The following ALMS1 variants were observed in gnomAD, a reference collection of about 807,000 sequenced individuals.
ALMS1 encodes centrosome-associated protein ALMS1.
A neutral mutation model predicts 352.2 loss-of-function variants in ALMS1; 271 were observed. The observed-to-expected ratio is 0.77, with a 90% CI of 0.70 to 0.85. ALMS1 has a LOEUF of 0.85. Ranked by LOEUF, ALMS1 falls within the 40% of genes least tolerant of loss-of-function variation. ALMS1 has a pLI of 0.00. For missense variants in ALMS1, 5,445 were observed against 4,870.7 expected (o/e 1.12, Z -3.51); for synonymous variants, 1,865 against 1,761.2 (o/e 1.06, Z -1.48).
chr2:73,546,715 G>A (rs1383396156), intron 12 of ALMS1, among the ~76,000 whole-genome samples: 1 of 152,208 alleles, frequency 6.6e-6, no homozygotes, highest in Non-Finnish European at 1.5e-5. Context: ...AGAGAGTGGA[G>A]TGTGAGAATG....
upstream of ALMS1, chr2:73,385,828 C>CCCTCCT: frequency 1.5e-6 from 1 of 664,968 alleles, no homozygotes; most frequent in Non-Finnish European, 2.7e-6. Context: ...CTCCCTCCCC[C>CCCTCCT]CCTCCTCCTC....
intron 10 of ALMS1, among the ~76,000 whole-genome samples, chr2:73,497,999 C>T (rs894845607): frequency 3.9e-5 from 6 of 152,030 alleles, no homozygotes; most frequent in Non-Finnish European, 7.4e-5. Context: ...TGCAATAAAG[C>T]CGATCACATG....
chr2:73,509,086 C>A (rs1339160555), intron 10 of ALMS1, among the ~76,000 whole-genome samples: 5 of 151,348 alleles, frequency 3.3e-5, no homozygotes, highest in Non-Finnish European at 5.9e-5. Flanking sequence ...TTATTTTTTG[C>A]TTTCCATTTG....
rs537537228 is a variant in ALMS1, at chr2:73,385,988, A to G, written c.120A>G (p.Val40=). ...CGGCGGCGGCGAACGTGGACGACGT[A>G]GTGGTCGTGGAGGAGGTGGAGGAAG... ...AAAAAANVDD[V]VVVEEVEEEA... Residue 40 remains valine, a synonymous_variant, in exon 1 of 23, where the codon GTA becomes GTG. Transcript: ENST00000613296. 4 of 1,548,150 alleles carry G rather than the reference A, an allele frequency of 2.6e-6. No individual in the cohort carries two copies. In the East Asian group the frequency reaches 9.8e-5, roughly 38 times the overall value.
At chr2:73,533,381 G>A (rs1038304849) in intron 11 of ALMS1, among the ~76,000 whole-genome samples, 1 of 152,236 alleles carries the variant, frequency 6.6e-6, no homozygotes, top group Non-Finnish European at 1.5e-5. Context: ...GTCTAGAGCA[G>A]ATAGCTGAGT....
chr2:73,511,467 C>T (rs1673450474), intron 10 of ALMS1, among the ~76,000 whole-genome samples: 1 of 152,116 alleles, frequency 6.6e-6, no homozygotes, highest in Admixed American at 6.5e-5. Flanking sequence ...ACACCCCCAC[C>T]CTGCTGCTGC....
At chr2:73,396,082 T>G (rs964421793) in intron 1 of ALMS1, among the ~76,000 whole-genome samples, 2 of 152,182 alleles carry the variant, frequency 1.3e-5, no homozygotes, top group Non-Finnish European at 1.5e-5. Context: ...CATCCTGTCT[T>G]TTACCCCCGA....
intron 1 of ALMS1, among the ~76,000 whole-genome samples, chr2:73,398,672 C>G (rs937259944): frequency 6.6e-6 from 1 of 151,956 alleles, no homozygotes; most frequent in African/African-American, 2.4e-5. Context: ...AGATTTATAC[C>G]TAAATATTTT....
intron 1 of ALMS1, among the ~76,000 whole-genome samples, chr2:73,398,649 C>A (rs1670813510): frequency 6.6e-6 from 1 of 152,126 alleles, no homozygotes; most frequent in Non-Finnish European, 1.5e-5. Context: ...ATAGATCTTA[C>A]ATGTATTAAG....
chr2:73,547,187 G>C lies in ALMS1; in HGVS notation c.9908-3080G>C, dbSNP rs186160653. ...ATTATGTTTAAAGTAGGCTGGGCTA[G>C]GTTATGATGCTTGGTAGGTTAGGGG... is the stretch of plus-strand genomic sequence containing the variant. On this transcript the variant is annotated intron_variant, in intron 12 of 22. Coordinates refer to ENST00000613296, the MANE Select transcript of ALMS1 (RefSeq NM_001378454.1). Among the ~76,000 whole-genome samples, 197 of 152,284 alleles carry C rather than the reference G, an allele frequency of 1.3e-3. 1 individual carries two copies. The highest frequency in any genetic ancestry group is 4.4e-3 in the African/African-American group (184 of 41,556).
intron 1 of ALMS1, among the ~76,000 whole-genome samples, chr2:73,403,022 A>G (rs2103661841): frequency 6.6e-6 from 1 of 152,208 alleles, no homozygotes; most frequent in African/African-American, 2.4e-5. Context: ...TTAGATGTGA[A>G]ACTCTTTAGC....
At chr2:73,436,183 T>C (rs1671601012) in intron 7 of ALMS1, among the ~76,000 whole-genome samples, 1 of 152,232 alleles carries the variant, frequency 6.6e-6, no homozygotes. Context: ...TCTTTTTCTT[T>C]TCAGCACTTT....
chr2:73,416,848 A>C (rs1671190413), intron 2 of ALMS1, among the ~76,000 whole-genome samples: 1 of 152,214 alleles, frequency 6.6e-6, no homozygotes, highest in Non-Finnish European at 1.5e-5. Flanking sequence ...TTGTAATCCC[A>C]GCACTTTGGG....
At position 73,491,265 on chromosome 2, in the gene ALMS1, G is replaced by A. The variant is rs747617053; in HGVS notation, c.9306G>A (p.Leu3102=). Residue 3102 remains leucine (L), a synonymous_variant, in exon 10 of 23, where the codon TTG becomes TTA. Transcript: ENST00000613296. ...CACTGGAACCAACCTCCAAATTATTGACCAGTAAACCTGTAGCACAGGATC... is the reference window on the plus strand; with the variant it reads ...CACTGGAACCAACCTCCAAATTATTAACCAGTAAACCTGTAGCACAGGATC... ...SRSLEPTSKL[L]TSKPVAQDQE... The A allele has an allele frequency of 1.2e-6, 2 of 1,614,026 alleles. No homozygotes were observed. The highest frequency in any genetic ancestry group is 2.2e-5 in the East Asian group (1 of 44,874).
At chr2:73,466,085 A>G (rs962987451) in intron 9 of ALMS1, among the ~76,000 whole-genome samples, 1 of 152,192 alleles carries the variant, frequency 6.6e-6, no homozygotes, top group African/African-American at 2.4e-5. Flanking sequence ...TCGATTCCTC[A>G]GGGATCTAGA....
intron 9 of ALMS1, among the ~76,000 whole-genome samples, chr2:73,475,573 A>G (rs1672565551): frequency 2.0e-5 from 3 of 152,172 alleles, no homozygotes; most frequent in African/African-American, 4.8e-5. Context: ...TCACTGTACA[A>G]ATTTGTTGAG....
In ALMS1 at chr2:73,449,413, T is replaced by C; in HGVS notation, c.2886T>C (p.Ser962=). 1 of 1,614,050 alleles carries C rather than the reference T, an allele frequency of 6.2e-7. No homozygotes were observed. The highest frequency in any genetic ancestry group is 2.2e-5 in the East Asian group (1 of 44,870). Residue 962 remains serine, a synonymous_variant, in exon 8 of 23, where the codon AGT becomes AGC. Transcript: ENST00000613296. ...SNSHSHSEKS[S]VFYQQELPDS... is the part of the protein sequence containing the mutation. Reference sequence around the variant, plus strand: ...CTCACTCACATAGCGAGAAATCTAGTGTTTTCTACCAGCAAGAGTTGCCAG... The same window carrying C: ...CTCACTCACATAGCGAGAAATCTAGCGTTTTCTACCAGCAAGAGTTGCCAG...
chr2:73,544,637 A>ACATTGTGG (rs1297388492), intron 12 of ALMS1, among the ~76,000 whole-genome samples: 2 of 152,194 alleles, frequency 1.3e-5, no homozygotes, highest in African/African-American at 2.4e-5. Context: ...ATTACGGAAA[A>ACATTGTGG]CATTGTGGCT....
chr2:73,570,729 A>G (rs530485252), intron 15 of ALMS1, among the ~76,000 whole-genome samples: 21 of 152,320 alleles, frequency 1.4e-4, no homozygotes, highest in Admixed American at 1.2e-3. Flanking sequence ...GCAGCATTGG[A>G]GGAACTTGCC....
Sources: allele counts gnomAD v4.1 joint callset (sites outside exome capture counted in the v4.1 genomes callset), GRCh38; gene constraint gnomAD v4.1.1; transcripts MANE v1.5; gene names NCBI Gene and HGNC (gene_info 2026-07-23, HGNC 2026-07-21).